Variants in SERGEF observed in about 807,000 individuals in gnomAD.
SERGEF encodes secretion-regulating guanine nucleotide exchange factor.
A neutral mutation model predicts 50.0 loss-of-function variants in SERGEF; 51 were observed. The observed-to-expected ratio is 1.02, with a 90% CI of 0.81 to 1.29. The LOEUF is 1.29. Ranked by LOEUF, SERGEF falls within the 50% of genes most tolerant of loss-of-function variation. The pLI, the probability that SERGEF is intolerant of heterozygous loss-of-function variation, is 0.00. For missense variants in SERGEF, 521 were observed against 557.0 expected, an observed-to-expected ratio of 0.94 and a Z score of 0.65; for synonymous variants, 205 against 212.4, an observed-to-expected ratio of 0.97 and a Z score of 0.30.
At chr11:17,977,129 C>T (rs1853394161) in intron 8 of SERGEF, among the ~76,000 whole-genome samples, 1 of 152,230 alleles carries the variant, frequency 6.6e-6, no homozygotes, top group East Asian at 1.9e-4. Flanking sequence ...TCGAGTCTCT[C>T]GTCTATAGTT....
intron 10 of SERGEF, among the ~76,000 whole-genome samples, chr11:17,799,607 A>C (rs1849629432): frequency 6.6e-6 from 1 of 152,212 alleles, no homozygotes; most frequent in Non-Finnish European, 1.5e-5. Context: ...GGGAATCACC[A>C]GTGTGCAGAA....
chr11:17,977,521 T>C (rs1381194701), intron 8 of SERGEF, among the ~76,000 whole-genome samples: 4 of 152,174 alleles, frequency 2.6e-5, no homozygotes, highest in African/African-American at 7.2e-5. Context: ...CTCCTCCCTC[T>C]GGCAGTTCAC....
intron 9 of SERGEF, among the ~76,000 whole-genome samples, chr11:17,911,943 A>G (rs1320930823): frequency 6.6e-6 from 1 of 152,230 alleles, no homozygotes; most frequent in Non-Finnish European, 1.5e-5. Flanking sequence ...GAGTTTAAAA[A>G]AATGACAAAT....
chr11:17,829,425 T>C (rs1023084779), intron 10 of SERGEF, among the ~76,000 whole-genome samples: 1 of 152,236 alleles, frequency 6.6e-6, no homozygotes, highest in Non-Finnish European at 1.5e-5. Flanking sequence ...AAGAAGAACA[T>C]GAACAGTCAA....
intron 9 of SERGEF, among the ~76,000 whole-genome samples, chr11:17,940,352 G>A (rs1852538327): frequency 6.6e-6 from 1 of 152,142 alleles, no homozygotes; most frequent in Non-Finnish European, 1.5e-5. Flanking sequence ...TGAAGGCCCT[G>A]CTCAGCTATG....
intron 8 of SERGEF, among the ~76,000 whole-genome samples, chr11:17,980,563 C>T (rs1244677436): frequency 6.6e-6 from 1 of 152,206 alleles, no homozygotes; most frequent in Non-Finnish European, 1.5e-5. Context: ...CCATTTCCTT[C>T]TAGTCTTTTC....
intron 9 of SERGEF, among the ~76,000 whole-genome samples, chr11:17,891,425 A>G (rs556064055): frequency 6.6e-6 from 1 of 152,360 alleles, no homozygotes; most frequent in East Asian, 1.9e-4. Context: ...TGCTGGTCAC[A>G]TCATATTTGG....
intron 10 of SERGEF, among the ~76,000 whole-genome samples, chr11:17,862,822 T>A (rs182514197): frequency 6.6e-6 from 1 of 152,294 alleles, no homozygotes; most frequent in African/African-American, 2.4e-5. Context: ...CTGGCCATTG[T>A]CAAAGCTGCC....
chr11:17,907,119 T>C (rs963767085), intron 9 of SERGEF, among the ~76,000 whole-genome samples: 11 of 144,518 alleles, frequency 7.6e-5, no homozygotes, highest in Non-Finnish European at 1.3e-4. Flanking sequence ...AAACATCCTG[T>C]GAGTCTCTTA....
intron 10 of SERGEF, among the ~76,000 whole-genome samples, chr11:17,824,578 A>G (rs1363069143): frequency 3.9e-5 from 6 of 152,212 alleles, no homozygotes; most frequent in Admixed American, 3.9e-4. Flanking sequence ...AACAACAGAA[A>G]TTAATTTTCT....
chr11:17,860,565 A>G (rs1850908458), intron 10 of SERGEF, among the ~76,000 whole-genome samples: 1 of 152,224 alleles, frequency 6.6e-6, no homozygotes, highest in South Asian at 2.1e-4. Flanking sequence ...AAAGAGTGGG[A>G]AAAGGTGAGG....
chr11:18,004,634 G>C, intron 3 of SERGEF, 99 bp from the exon 4 acceptor site: 2 of 809,788 alleles, frequency 2.5e-6, no homozygotes, highest in Non-Finnish European at 4.1e-6. Flanking sequence ...GGGATGAGGG[G>C]AAGTGCTTCA....
At chr11:17,971,683 C>T (rs1183764074) in intron 8 of SERGEF, among the ~76,000 whole-genome samples, 3 of 152,182 alleles carry the variant, frequency 2.0e-5, no homozygotes, top group African/African-American at 4.8e-5. Flanking sequence ...TGTTCTCATG[C>T]CTGCTAATAC....
intron 8 of SERGEF, among the ~76,000 whole-genome samples, chr11:17,961,564 TG>T (rs1852997836): frequency 6.6e-6 from 1 of 152,216 alleles, no homozygotes; most frequent in Non-Finnish European, 1.5e-5. Flanking sequence ...TTCCTGTTAT[TG>T]ATTATTGAAG....
chr11:17,858,583 C>A (rs1434107156), intron 10 of SERGEF, among the ~76,000 whole-genome samples: 1 of 152,176 alleles, frequency 6.6e-6, no homozygotes, highest in Non-Finnish European at 1.5e-5. Flanking sequence ...CCCATGCCCA[C>A]AGAGTCTCAT....
At chr11:17,839,873 T>C (rs1456396377) in intron 10 of SERGEF, among the ~76,000 whole-genome samples, 1 of 152,236 alleles carries the variant, frequency 6.6e-6, no homozygotes, top group Non-Finnish European at 1.5e-5. Flanking sequence ...GAGAGCCACC[T>C]GCCTAATTTA....
At chr11:17,983,198 G>C (rs1310491314) in intron 8 of SERGEF, among the ~76,000 whole-genome samples, 1 of 152,186 alleles carries the variant, frequency 6.6e-6, no homozygotes, top group Non-Finnish European at 1.5e-5. Flanking sequence ...AAAGCAACTG[G>C]ATTCTAGACA....
At chr11:17,992,138 G>A (rs1008820396) in intron 7 of SERGEF, among the ~76,000 whole-genome samples, 2 of 152,134 alleles carry the variant, frequency 1.3e-5, no homozygotes, top group Non-Finnish European at 2.9e-5. Context: ...CAGCCAAAGA[G>A]AGAGATATAG....
chr11:17,958,106 G>C lies in SERGEF; in HGVS notation c.1011+1364C>G, dbSNP rs546217378. The stretch of plus-strand genomic sequence containing the variant: ...CCCAAGAGAAAGAGAGAGAAAAAAA[G>C]ATAGACACACTTAACCCAGCACTAC... On this transcript the variant is annotated intron_variant, in intron 9 of 10. Transcript: ENST00000265965. Among the ~76,000 whole-genome samples the C allele has an allele frequency of 3.9e-5, 6 of 152,286 alleles. No homozygotes were observed. The South Asian group carries it at 8.3e-4, about 21-fold the overall frequency.
Sources: gnomAD v4.1 joint callset for allele counts (sites outside exome capture counted in the v4.1 genomes callset) on GRCh38, gnomAD v4.1.1 for gene constraint, MANE v1.5 for transcripts, NCBI Gene and HGNC (gene_info 2026-07-23, HGNC 2026-07-21) for gene names.